PFKL: variants seen among roughly 807,000 people sequenced by gnomAD.
The protein encoded by PFKL is phosphofructokinase, liver type.
A neutral mutation model predicts 92.1 loss-of-function variants in PFKL; 74 were observed. The ratio of observed to expected loss-of-function variants is 0.80; its 90% confidence interval spans 0.67 to 0.97. The LOEUF (loss-of-function observed/expected upper bound fraction) is 0.97. Ranked by LOEUF, PFKL falls within the 50% of genes least tolerant of loss-of-function variation. The pLI is 0.00. For synonymous variants in PFKL, 494 were observed against 456.4 expected (o/e 1.08, Z -1.05); for missense variants, 1,028 against 1,116.6 (o/e 0.92, Z 1.13).
At position 44,312,857 on chromosome 21, in the gene PFKL, C is replaced by T. The variant is rs141599331; in HGVS notation, c.428-121C>T. The T allele has an allele frequency of 2.3e-3, 2,410 of 1,053,154 alleles. 26 individuals carry two copies. In the African/African-American group the frequency reaches 0.031, roughly 14 times the overall value. 65.2% of individuals were successfully genotyped at this position (1,053,154 alleles called of 1,614,324 possible). ...CAGGAGGAGGCTGAGCCTGGAACTC[C>T]GGGGCCCCTGCCGGGCTGCACGCCT... On this transcript the variant is annotated intron_variant, in intron 4 of 21. Coordinates refer to ENST00000349048, the MANE Select transcript of PFKL (RefSeq NM_002626.6).
In PFKL at chr21:44,304,417, G is replaced by C; in HGVS notation, c.86-2264G>C. 2.4e-6 allele frequency: 3 copies of C among 1,244,424 alleles called. No individual in the cohort carries two copies. In the South Asian group the frequency reaches 4.0e-5, roughly 16 times the overall value. 77.1% of individuals were successfully genotyped at this position (1,244,424 alleles called of 1,614,324 possible). ...ACGGTGGCCTGGGTGCGCTGCTCCT[G>C]CCCTCTCCTTGCCCTGCCTCAGCTG... On this transcript the variant is annotated intron_variant, in intron 1 of 21. Coordinates refer to ENST00000349048, the MANE Select transcript of PFKL (RefSeq NM_002626.6).
At position 44,312,396 on chromosome 21, in the gene PFKL, C is replaced by T. The variant is rs956210350; in HGVS notation, c.427+102C>T. ...CAGAGGGACGAGGGATCCCTGGGTGCCCCGAGGCAGAGGAGGGGCTGTCTG... is the reference window on the plus strand; with the variant it reads ...CAGAGGGACGAGGGATCCCTGGGTGTCCCGAGGCAGAGGAGGGGCTGTCTG... On this transcript the variant is annotated intron_variant, in intron 4 of 21. Transcript: ENST00000349048. 29 of 1,145,448 alleles carry T rather than the reference C, an allele frequency of 2.5e-5. No homozygotes were observed. In the African/African-American group the frequency reaches 2.9e-4, roughly 12 times the overall value. 71.0% of individuals were successfully genotyped at this position (1,145,448 alleles called of 1,614,324 possible).
chr21:44,316,483 G>C lies in PFKL; in HGVS notation c.895G>C (p.Val299Leu), dbSNP rs1332071501. The part of the protein sequence containing the change: ...FDTRVTVLGH[V>L]QRGGTPSAFD... ...CACCCGTGTAACTGTGCTGGGCCAC[G>C]TGCAGCGGGGAGGGACGCCCTCTGC... The change falls in exon 9 of 22, where the codon GTG becomes CTG. Residue 299 changes from valine to leucine, a missense_variant. Coordinates refer to ENST00000349048, the MANE Select transcript of PFKL (RefSeq NM_002626.6). 1 of 1,608,022 alleles carries C rather than the reference G, an allele frequency of 6.2e-7. No individual in the cohort carries two copies. Among genetic ancestry groups the C allele is most frequent in the African/African-American group, 1.3e-5 (1 of 74,988 alleles).
At chr21:44,302,559 C>T (rs3788116) in intron 1 of PFKL, among the ~76,000 whole-genome samples, 52,153 of 152,112 alleles carry the variant, frequency 0.34, 10,042 homozygotes, top group African/African-American at 0.52. Flanking sequence ...CTGACCCTGG[C>T]CGAGGGGAAG....
At chr21:44,311,344 A>G (rs1602013567) in intron 3 of PFKL, among the ~76,000 whole-genome samples, 1 of 138,146 alleles carries the variant, frequency 7.2e-6, no homozygotes, top group Middle Eastern at 3.6e-3. Flanking sequence ...GCACACATAC[A>G]GACACACAGA....
chr21:44,302,412 A>G (rs1170297692), intron 1 of PFKL, among the ~76,000 whole-genome samples: 1 of 152,222 alleles, frequency 6.6e-6, no homozygotes, highest in African/African-American at 2.4e-5. Flanking sequence ...CATTCTGGGC[A>G]GAACCAGAGT....
chr21:44,310,800 G>A (rs951642553), intron 2 of PFKL, among the ~76,000 whole-genome samples: 11 of 151,972 alleles, frequency 7.2e-5, no homozygotes, highest in Non-Finnish European at 2.9e-5. Flanking sequence ...CGGGACACAC[G>A]GACTCACCAG....
chr21:44,319,647 G>C, intron 11 of PFKL: 1 of 584,142 alleles, frequency 1.7e-6, no homozygotes, highest in Non-Finnish European at 3.1e-6. Context: ...CAGGGATCTG[G>C]GCATGGCGAG....
In PFKL at chr21:44,326,263, G is replaced by C. The variant is rs1462390746; in HGVS notation, c.2194G>C (p.Glu732Gln). 2 of 1,605,170 alleles carry C rather than the reference G, an allele frequency of 1.2e-6. No individual in the cohort carries two copies. The highest frequency in any genetic ancestry group is 1.7e-5 in the Admixed American group (1 of 59,798). Residue 732 changes from glutamate (E) to glutamine (Q), a missense_variant and splice_region_variant, in exon 21 of 22, where the codon GAG becomes CAG. Physicochemically the swap from Glu to Gln is conservative, Grantham distance 29 (BLOSUM62 2). Coordinates refer to ENST00000349048, the MANE Select transcript of PFKL (RefSeq NM_002626.6). ...TGAGCTCAAGAAAGACACTGATTTC[G>C]AGTGAGTTCCACCAAAGCCTCGTGG... ...VTELKKDTDF[E>Q]HRMPREQWWL...
At chr21:44,320,374 A>G in intron 12 of PFKL, 1 of 491,442 alleles carries the variant, frequency 2.0e-6, no homozygotes. Context: ...GTTGCTTCTC[A>G]GTGGTGGATG....
At chr21:44,311,207 C>G (rs2146450869) in intron 3 of PFKL, 124 bp downstream of exon 3, 2 of 682,976 alleles carry the variant, frequency 2.9e-6, no homozygotes, top group Middle Eastern at 7.6e-4. Context: ...CATGCAGACA[C>G]ACAGACATGC....
chr21:44,324,607 C>G lies in PFKL; in HGVS notation c.1767C>G (p.Ala589=). The G allele has an allele frequency of 1.2e-6, 2 of 1,611,494 alleles. No homozygotes were observed. Among genetic ancestry groups the G allele is most frequent in the Non-Finnish European group, 1.7e-6 (2 of 1,178,856 alleles). The part of the protein sequence containing the change: ...LATVTGIAVG[A]DAAYVFEDPF... ...CCGTGACTGGCATTGCTGTGGGGGC[C>G]GACGCCGCCTACGTCTTCGAGGACC... The change falls in exon 17 of 22, where the codon GCC becomes GCG. Residue 589 remains alanine, a synonymous_variant. Transcript: ENST00000349048.
chr21:44,305,004 CCTT>C (rs1039942311), intron 1 of PFKL, among the ~76,000 whole-genome samples: 3 of 152,214 alleles, frequency 2.0e-5, no homozygotes, highest in South Asian at 2.1e-4. Flanking sequence ...CGTCTGTGCC[CCTT>C]CTTCTGGATG....
At chr21:44,319,662 TGAG>T (rs956516423) in intron 11 of PFKL, 1 of 572,128 alleles carries the variant, frequency 1.7e-6, no homozygotes, top group African/African-American at 1.9e-5. Flanking sequence ...GGCGAGGGGA[TGAG>T]AAGCTGTGGA....
chr21:44,312,322 C>T, intron 4 of PFKL, 28 bp downstream of exon 4: 8 of 1,535,470 alleles, frequency 5.2e-6, no homozygotes, highest in Non-Finnish European at 7.0e-6. Context: ...GCACTGTAGG[C>T]CCTGGGGTTT....
chr21:44,310,148 C>T (rs1357071790), intron 2 of PFKL, among the ~76,000 whole-genome samples: 2 of 152,230 alleles, frequency 1.3e-5, no homozygotes, highest in African/African-American at 2.4e-5. Context: ...AGGAGGCCGC[C>T]CTTCTCCTCT....
At chr21:44,309,945 C>T (rs1414942091) in intron 2 of PFKL, among the ~76,000 whole-genome samples, 1 of 152,236 alleles carries the variant, frequency 6.6e-6, no homozygotes, top group East Asian at 1.9e-4. Context: ...TATCCCTTGA[C>T]CCCCTGCCTG....
Sources: allele counts gnomAD v4.1 joint callset (sites outside exome capture counted in the v4.1 genomes callset), GRCh38; gene constraint gnomAD v4.1.1; transcripts MANE v1.5; gene names NCBI Gene and HGNC (gene_info 2026-07-23, HGNC 2026-07-21).